CNTN4: variants seen among roughly 807,000 people sequenced by gnomAD.
The protein encoded by CNTN4 is contactin 4.
Under a neutral mutation model 122.5 loss-of-function variants are expected in CNTN4, and 77 were observed. The ratio of observed to expected loss-of-function variants is 0.63; its 90% CI spans 0.52 to 0.76. CNTN4 has a LOEUF of 0.76. CNTN4 is among the 30% of genes least tolerant of loss of function. The pLI is 0.00. For missense variants in CNTN4, 1,256 were observed against 1,259.1 expected (o/e 1.00, Z 0.04); for synonymous variants, 512 against 447.0 (o/e 1.15, Z -1.83).
chr3:2,636,923 TGTTTTTTTTTTTTTTG>T (rs1278129306), intron 4 of CNTN4, among the ~76,000 whole-genome samples: 11 of 132,072 alleles, frequency 8.3e-5, no homozygotes, highest in African/African-American at 2.1e-4. Flanking sequence ...TTTCTTTCTT[TGTTTTTTTTTTTTTTG>T]GTTTTTTTTT....
chr3:2,636,560 T>C (rs1474591623), intron 4 of CNTN4, among the ~76,000 whole-genome samples: 1 of 152,116 alleles, frequency 6.6e-6, no homozygotes, highest in African/African-American at 2.4e-5. Flanking sequence ...CTTAATGCAT[T>C]TTTTTATTGG....
chr3:2,424,642 C>T (rs2047747905), intron 3 of CNTN4, among the ~76,000 whole-genome samples: 1 of 152,200 alleles, frequency 6.6e-6, no homozygotes, highest in Non-Finnish European at 1.5e-5. Context: ...AATGGCCACA[C>T]TGTCTTCCAC....
intron 7 of CNTN4, among the ~76,000 whole-genome samples, chr3:2,825,435 G>C (rs2092966530): frequency 6.6e-6 from 1 of 151,914 alleles, no homozygotes; most frequent in African/African-American, 2.4e-5. Context: ...TGTTGACCAG[G>C]CTGGTCTCAA....
intron 2 of CNTN4, among the ~76,000 whole-genome samples, chr3:2,115,165 T>G (rs2033256760): frequency 6.6e-6 from 1 of 152,160 alleles, no homozygotes; most frequent in Non-Finnish European, 1.5e-5. Flanking sequence ...TAAGTTGCAA[T>G]GATCAGACCC....
At chr3:2,927,298 T>A (rs1423295389) in intron 13 of CNTN4, 2 of 455,834 alleles carry the variant, frequency 4.4e-6, no homozygotes, top group Non-Finnish European at 8.8e-6. Flanking sequence ...TTGCACCTAG[T>A]GTACATCAGG....
At chr3:2,399,893 T>G (rs2046776976) in intron 3 of CNTN4, among the ~76,000 whole-genome samples, 1 of 152,096 alleles carries the variant, frequency 6.6e-6, no homozygotes, top group Non-Finnish European at 1.5e-5. Flanking sequence ...GTGGTGGAAA[T>G]CTACTTGTAA....
intron 3 of CNTN4, among the ~76,000 whole-genome samples, chr3:2,557,708 A>G (rs1234903327): frequency 2.7e-5 from 4 of 150,906 alleles, no homozygotes; most frequent in East Asian, 3.9e-4. Context: ...CAGCCTGGGC[A>G]ACACTGCACT....
At chr3:2,586,843 T>C (rs904568929) in intron 4 of CNTN4, among the ~76,000 whole-genome samples, 2 of 152,202 alleles carry the variant, frequency 1.3e-5, no homozygotes, top group African/African-American at 4.8e-5. Flanking sequence ...CCCAACATTT[T>C]ATCTCTGAAT....
intron 3 of CNTN4, among the ~76,000 whole-genome samples, chr3:2,481,890 G>A (rs547972288): frequency 6.6e-6 from 1 of 152,134 alleles, no homozygotes; most frequent in Non-Finnish European, 1.5e-5. Context: ...ATGATTGTAA[G>A]TTTCATGAGA....
At chr3:2,950,506 A>G (rs2094728741) in intron 13 of CNTN4, among the ~76,000 whole-genome samples, 1 of 152,172 alleles carries the variant, frequency 6.6e-6, no homozygotes, top group Non-Finnish European at 1.5e-5. Context: ...TGTCATAGTG[A>G]CATCCAGATG....
chr3:2,761,810 G>C (rs917876857), intron 6 of CNTN4, among the ~76,000 whole-genome samples: 2 of 152,076 alleles, frequency 1.3e-5, no homozygotes, highest in Admixed American at 6.5e-5. Context: ...AATCACCTGA[G>C]ATTTCTAAGA....
intron 2 of CNTN4, among the ~76,000 whole-genome samples, chr3:2,146,983 C>T (rs147161874): frequency 0.019 from 2,929 of 152,088 alleles, 54 homozygotes; most frequent in Non-Finnish European, 0.027. Flanking sequence ...TGGGTTCAAG[C>T]GATTCTCCTG....
At chr3:2,386,392 T>A (rs1038862491) in intron 3 of CNTN4, among the ~76,000 whole-genome samples, 2 of 152,142 alleles carry the variant, frequency 1.3e-5, no homozygotes, top group Non-Finnish European at 2.9e-5. Context: ...CTGTAATCAC[T>A]TCAGACAACA....
intron 2 of CNTN4, among the ~76,000 whole-genome samples, chr3:2,226,089 C>T (rs2039271104): frequency 6.6e-6 from 1 of 152,098 alleles, no homozygotes; most frequent in South Asian, 2.1e-4. Flanking sequence ...CTGGTAAAAG[C>T]ATTGTGTAGA....
intron 4 of CNTN4, among the ~76,000 whole-genome samples, chr3:2,671,697 GT>G (rs1456829081): frequency 2.0e-5 from 3 of 152,114 alleles, no homozygotes; most frequent in Admixed American, 2.0e-4. Flanking sequence ...TTTCTGCTCT[GT>G]TTTTTCCCCA....
chr3:2,567,060 G>C (rs1050416127), intron 3 of CNTN4, among the ~76,000 whole-genome samples: 5 of 150,706 alleles, frequency 3.3e-5, no homozygotes, highest in African/African-American at 1.2e-4. Flanking sequence ...CCTCCTCGTA[G>C]ACTTCAGAAT....
At chr3:2,427,790 CTCT>C (rs979765157) in intron 3 of CNTN4, among the ~76,000 whole-genome samples, 45 of 152,046 alleles carry the variant, frequency 3.0e-4, no homozygotes, top group African/African-American at 1.0e-3. Context: ...GGATAGTTAG[CTCT>C]TCTTGTTGAA....
At chr3:2,424,452 A>C (rs1025443890) in intron 3 of CNTN4, among the ~76,000 whole-genome samples, 3 of 152,054 alleles carry the variant, frequency 2.0e-5, no homozygotes, top group Admixed American at 2.0e-4. Context: ...CATTTTCTTA[A>C]GCCAGTCTAT....
intron 13 of CNTN4, among the ~76,000 whole-genome samples, chr3:2,958,398 G>A (rs2094821668): frequency 6.6e-6 from 1 of 152,110 alleles, no homozygotes; most frequent in South Asian, 2.1e-4. Context: ...CTAGATATTG[G>A]ACCATGGAAA....
Sources: allele counts gnomAD v4.1 joint callset (sites outside exome capture counted in the v4.1 genomes callset), GRCh38; gene constraint gnomAD v4.1.1; transcripts MANE v1.5; gene names NCBI Gene and HGNC (gene_info 2026-07-23, HGNC 2026-07-21).